USH2A: variants seen among roughly 807,000 people sequenced by gnomAD.
USH2A encodes Usher syndrome 2A (autosomal recessive, mild).
Under a neutral mutation model 538.9 loss-of-function variants are expected in USH2A, and 443 were observed. That is an observed-to-expected ratio of 0.82 (90% confidence interval 0.76 to 0.89). The LOEUF is 0.89. Ranked by LOEUF, USH2A falls within the 40% of genes least tolerant of loss-of-function variation. USH2A has a pLI of 0.00. For synonymous variants in USH2A, 2,413 were observed against 2,273.5 expected, an observed-to-expected ratio of 1.06 and a Z score of -1.75; for missense variants, 6,633 against 6,324.8, an observed-to-expected ratio of 1.05 and a Z score of -1.65.
chr1:215,768,848 G>A (rs114097948), intron 55 of USH2A, among the ~76,000 whole-genome samples: 4 of 152,174 alleles, frequency 2.6e-5, no homozygotes, highest in African/African-American at 9.7e-5. Flanking sequence ...AGCCCTTTGA[G>A]AGTAGAAATG....
Position 215,675,516 on chromosome 1 carries a change from A to G in USH2A, c.12395T>C (p.Leu4132Pro), listed in dbSNP as rs767712486. 5 of 1,613,926 alleles carry G rather than the reference A, an allele frequency of 3.1e-6. No homozygotes were observed. The African/African-American group carries it at 5.3e-5, about 17-fold the overall frequency. ...LDPFTLYTLTLEACTRAGCAH... is the reference protein window; with the variant it reads ...LDPFTLYTLTPEACTRAGCAH... Reference sequence around the variant, plus strand: ...ACAACCTGCTCTGGTGCAGGCCTCCAGGGTCAGTGTGTAGAGAGTGAAAGG... The same window carrying G: ...ACAACCTGCTCTGGTGCAGGCCTCCGGGGTCAGTGTGTAGAGAGTGAAAGG... Residue 4132 changes from leucine (L) to proline (P), a missense_variant, in exon 63 of 72, where the codon CTG becomes CCG. Physicochemically the swap from Leu to Pro is moderately conservative, Grantham distance 98 (BLOSUM62 -3). Transcript: ENST00000307340.
intron 61 of USH2A, among the ~76,000 whole-genome samples, chr1:215,684,476 A>G (rs763296473): frequency 6.6e-6 from 1 of 152,226 alleles, no homozygotes; most frequent in Non-Finnish European, 1.5e-5. Flanking sequence ...TTCCCAACTT[A>G]GTCATCTTTG....
rs146003720 is a variant in USH2A at position 215,767,053 on chromosome 1, T to C, written c.10940-265A>G. 1.2e-3 allele frequency among the ~76,000 whole-genome samples: 180 copies of C among 152,282 alleles called. 7 individuals carry two copies. The East Asian group carries it at 0.032, about 27-fold the overall frequency. On this transcript the variant is annotated intron_variant, in intron 55 of 71. Coordinates refer to ENST00000307340, the MANE Select transcript of USH2A (RefSeq NM_206933.4). ...ACCATCCACCCTTCTCTTGATTCCC[T>C]ATACAAGATGTCATTGAAAAGGCTG... is the stretch of plus-strand genomic sequence containing the variant.
intron 50 of USH2A, among the ~76,000 whole-genome samples, chr1:215,796,465 T>C (rs1040506248): frequency 3.3e-5 from 5 of 152,052 alleles, no homozygotes; most frequent in South Asian, 4.1e-4. Context: ...TTGTGGTCAA[T>C]GACCTTTGAT....
intron 13 of USH2A, 30 bp downstream of exon 13, chr1:216,246,555 C>A (rs1297036363): frequency 6.2e-7 from 1 of 1,613,830 alleles, no homozygotes. Context: ...TGTCATTGTG[C>A]ACTGAAAATG....
At chr1:215,921,222 A>T (rs184851392) in intron 38 of USH2A, among the ~76,000 whole-genome samples, 144 of 152,198 alleles carry the variant, frequency 9.5e-4, no homozygotes, top group African/African-American at 3.4e-3. Context: ...GGTAAATATG[A>T]CAGAAGTTGG....
chr1:216,149,135 C>T (rs1263756324), intron 21 of USH2A, among the ~76,000 whole-genome samples: 1 of 152,124 alleles, frequency 6.6e-6, no homozygotes, highest in Non-Finnish European at 1.5e-5. Flanking sequence ...CACCCTGTAG[C>T]CTTTCTGTCC....
intron 44 of USH2A, among the ~76,000 whole-genome samples, chr1:215,861,942 C>T (rs867107377): frequency 7.4e-5 from 11 of 148,278 alleles, no homozygotes; most frequent in African/African-American, 1.8e-4. Flanking sequence ...CGGGTACAAG[C>T]GAGTCTCCTG....
At chr1:216,215,826 T>TTGGAAAG (rs1275567400) in intron 15 of USH2A, among the ~76,000 whole-genome samples, 2 of 152,078 alleles carry the variant, frequency 1.3e-5, no homozygotes, top group Admixed American at 1.3e-4. Flanking sequence ...TCAGAAACAC[T>TTGGAAAG]TGGAAAGAAT....
rs140260219 is a variant in USH2A, at chr1:215,838,016, G to T, written c.9346C>A (p.Pro3116Thr). 4 of 1,613,788 alleles carry T rather than the reference G, an allele frequency of 2.5e-6. No homozygotes were observed. The African/African-American group carries it at 4.0e-5, about 16-fold the overall frequency. The change falls in exon 47 of 72, where the codon CCC becomes ACC. Residue 3116 changes from proline to threonine, a missense_variant. By Grantham distance (38) the Pro-to-Thr change is conservative. Transcript: ENST00000307340. ...VEDTPSDIPT[P>T]TIRGITSRSL... ...CTTGAAGTGATGCCACGAATTGTGG[G>T]TGTTGGTATATCACTTGGAGTGTCT... is the stretch of plus-strand genomic sequence containing the variant.
chr1:216,216,840 A>C (rs1266762128), intron 15 of USH2A, among the ~76,000 whole-genome samples: 2 of 152,146 alleles, frequency 1.3e-5, no homozygotes, highest in African/African-American at 4.8e-5. Flanking sequence ...AAGTAGAAAG[A>C]AACATGAATT....
chr1:216,242,241 G>A (rs1021275991), intron 13 of USH2A, among the ~76,000 whole-genome samples: 2 of 151,104 alleles, frequency 1.3e-5, no homozygotes, highest in African/African-American at 2.4e-5. Context: ...CCAGCTGCTC[G>A]GGAGGCTGAG....
chr1:215,711,232 T>A (rs1486353355), intron 61 of USH2A, among the ~76,000 whole-genome samples: 1 of 152,210 alleles, frequency 6.6e-6, no homozygotes, highest in Non-Finnish European at 1.5e-5. Context: ...TCTTTCATAT[T>A]TGCAAAAGTG....
chr1:216,072,654 T>C lies in USH2A; in HGVS notation c.5857+235A>G, dbSNP rs115746463. 502 of 554,720 alleles carry C rather than the reference T, an allele frequency of 9.0e-4. 3 individuals carry two copies. The African/African-American group carries it at 9.1e-3, about 10-fold the overall frequency. The allele number at this position is 554,720 out of a possible 1,614,324, so 34.4% of individuals were successfully genotyped here. ...AACCTGAACTTTCCTTACTTCTGCA[T>C]CCTAAGAGGAAAGGATCAAGTCTGA... On this transcript the variant is annotated intron_variant, in intron 29 of 71. Coordinates refer to ENST00000307340, the MANE Select transcript of USH2A (RefSeq NM_206933.4).
At chr1:215,655,421 T>C (rs1201648904) in intron 64 of USH2A, among the ~76,000 whole-genome samples, 1 of 152,218 alleles carries the variant, frequency 6.6e-6, no homozygotes, top group Non-Finnish European at 1.5e-5. Flanking sequence ...TCTTGCCTCC[T>C]AATTTTCACT....
chr1:215,648,469 G>A (rs1656932287), intron 66 of USH2A, 59 bp downstream of exon 66: 1 of 1,562,234 alleles, frequency 6.4e-7, no homozygotes, highest in African/African-American at 1.4e-5. Flanking sequence ...TATACCATGA[G>A]TTCATATGTC....
At chr1:215,943,484 T>A (rs1666687095) in intron 37 of USH2A, among the ~76,000 whole-genome samples, 1 of 152,154 alleles carries the variant, frequency 6.6e-6, no homozygotes, top group Admixed American at 6.6e-5. Flanking sequence ...ATAATAGGTA[T>A]GTAGAAAGAA....
chr1:215,711,683 C>T (rs891205555), intron 61 of USH2A, among the ~76,000 whole-genome samples: 1 of 152,000 alleles, frequency 6.6e-6, no homozygotes, highest in Non-Finnish European at 1.5e-5. Flanking sequence ...TTCAATTTGT[C>T]CTGCCTGTTT....
intron 21 of USH2A, among the ~76,000 whole-genome samples, chr1:216,121,403 G>GT (rs201642469): frequency 8.4e-5 from 11 of 131,252 alleles, no homozygotes; most frequent in South Asian, 2.8e-4. Context: ...AATTTTGCTG[G>GT]TTTTTTTCTT....
Sources: allele counts gnomAD v4.1 joint callset (sites outside exome capture counted in the v4.1 genomes callset), GRCh38; gene constraint gnomAD v4.1.1; transcripts MANE v1.5; gene names NCBI Gene and HGNC (gene_info 2026-07-23, HGNC 2026-07-21).